The following KAT14 variants were observed in gnomAD, a reference collection of about 807,000 sequenced individuals.
The protein encoded by KAT14 is lysine acetyltransferase 14, also known as cysteine-rich protein 2-binding protein.
KAT14 carries 66 observed loss-of-function variants against 78.4 expected under a neutral mutation model. The ratio of observed to expected loss-of-function variants is 0.84; its 90% CI spans 0.69 to 1.03. The LOEUF is 1.03. KAT14 is among the 50% of genes least tolerant of loss of function. The pLI is 0.00. For synonymous variants in KAT14, 344 were observed against 359.4 expected (o/e 0.96, Z 0.48); for missense variants, 870 against 972.5 (o/e 0.89, Z 1.40).
chr20:18,181,583 A>G (rs1165908279), intron 7 of KAT14, 127 bp from the exon 8 acceptor site: 4 of 1,390,920 alleles, frequency 2.9e-6, no homozygotes, highest in Non-Finnish European at 3.9e-6. Context: ...GTTAGCCAGG[A>G]TGATCTCGAT....
chr20:18,176,496 C>G (rs79520676), intron 7 of KAT14, among the ~76,000 whole-genome samples: 1 of 151,972 alleles, frequency 6.6e-6, no homozygotes, highest in Non-Finnish European at 1.5e-5. Context: ...GCAGAGTGAA[C>G]GTGGGGAGGA....
intron 7 of KAT14, among the ~76,000 whole-genome samples, chr20:18,169,784 G>C (rs2038783251): frequency 6.6e-6 from 1 of 152,262 alleles, no homozygotes; most frequent in Non-Finnish European, 1.5e-5. Context: ...TAGGCTGAAA[G>C]CGAGGCCTCT....
At chr20:18,172,045 A>G (rs1173868709) in intron 7 of KAT14, among the ~76,000 whole-genome samples, 1 of 152,058 alleles carries the variant, frequency 6.6e-6, no homozygotes, top group African/African-American at 2.4e-5. Flanking sequence ...AAATTAAGTC[A>G]CACATTTTTT....
At chr20:18,166,845 G>A (rs983052444) in intron 7 of KAT14, among the ~76,000 whole-genome samples, 1 of 152,246 alleles carries the variant, frequency 6.6e-6, no homozygotes, top group Non-Finnish European at 1.5e-5. Context: ...ATTAAGTGAG[G>A]TTGAACCTGG....
intron 3 of KAT14, among the ~76,000 whole-genome samples, chr20:18,148,374 G>A (rs1161437122): frequency 1.3e-5 from 2 of 152,158 alleles, no homozygotes; most frequent in Admixed American, 6.5e-5. Context: ...TCAAACATTT[G>A]GGAAGGATAG....
At chr20:18,156,362 T>G (rs2038227106) in intron 4 of KAT14, among the ~76,000 whole-genome samples, 1 of 152,200 alleles carries the variant, frequency 6.6e-6, no homozygotes, top group African/African-American at 2.4e-5. Context: ...TGAACTATAC[T>G]GTTAAAAATT....
At chr20:18,176,214 T>A (rs774283969) in intron 7 of KAT14, among the ~76,000 whole-genome samples, 46 of 149,638 alleles carry the variant, frequency 3.1e-4, no homozygotes, top group Admixed American at 6.7e-4. Flanking sequence ...GGCAGGAGAA[T>A]CGCTTGAATC....
At chr20:18,180,797 C>CTAT (rs10648033) in intron 7 of KAT14, among the ~76,000 whole-genome samples, 82,961 of 151,540 alleles carry the variant, frequency 0.55, 23,112 homozygotes, top group Middle Eastern at 0.66. Flanking sequence ...TTATTCACTA[C>CTAT]GAGAACAGTA....
chr20:18,184,443 A>G (rs2039379782), intron 9 of KAT14, among the ~76,000 whole-genome samples, 159 bp from the exon 10 acceptor site: 1 of 143,210 alleles, frequency 7.0e-6, no homozygotes, highest in Non-Finnish European at 1.5e-5. Context: ...TCTTATTTTT[A>G]TGATCTGGTT....
At chr20:18,167,122 T>C (rs1452534755) in intron 7 of KAT14, among the ~76,000 whole-genome samples, 2 of 151,980 alleles carry the variant, frequency 1.3e-5, no homozygotes, top group Non-Finnish European at 2.9e-5. Flanking sequence ...CAACAGGGAG[T>C]GGAAGGATCT....
rs1330054466 is a variant in KAT14, at chr20:18,187,593, T to C, written c.*134T>C. ...TGGTCCTTCAAACTCCCAACCAAAG[T>C]GAGAAAAGCGGCATGCAGTGAAATG... On this transcript the variant is annotated 3_prime_UTR_variant, in exon 11 of 11. Transcript: ENST00000688188. The C allele has an allele frequency of 1.4e-6, 2 of 1,436,214 alleles. No individual in the cohort carries two copies. Among genetic ancestry groups the C allele is most frequent in the Non-Finnish European group, 1.9e-6 (2 of 1,078,184 alleles). 89.0% of individuals were successfully genotyped at this position (1,436,214 alleles called of 1,614,324 possible). A position where few individuals can be genotyped will look rare whatever the true frequency, so the allele number is the denominator to read the frequency against.
In KAT14 at chr20:18,162,197, G is replaced by A; in HGVS notation, c.1057G>A (p.Asp353Asn). ...CACACCTAGCTTGCTTTCAGAAGCA[G>A]ATCTGATTCCAGATGTGATGCCCCC... ...SATPSLLSEA[D>N]LIPDVMPPQA... Residue 353 changes from aspartate to asparagine, a missense_variant, in exon 6 of 11, where the codon GAT becomes AAT. Transcript: ENST00000688188. 4 of 1,614,142 alleles carry A rather than the reference G, an allele frequency of 2.5e-6. No individual in the cohort carries two copies. The highest frequency in any genetic ancestry group is 3.4e-6 in the Non-Finnish European group (4 of 1,180,048).
At chr20:18,182,276 C>G (rs1031402427) in intron 8 of KAT14, among the ~76,000 whole-genome samples, 1 of 152,064 alleles carries the variant, frequency 6.6e-6, no homozygotes, top group African/African-American at 2.4e-5. Context: ...CATGCACCAC[C>G]AAGCCCAGCT....
intron 7 of KAT14, 64 bp from the exon 8 acceptor site, chr20:18,181,646 G>A (rs560666216): frequency 3.2e-5 from 51 of 1,603,428 alleles, no homozygotes; most frequent in Non-Finnish European, 3.7e-5. Flanking sequence ...TGGGATTACC[G>A]GCATGAGCCA....
chr20:18,146,162 TA>T (rs1727942688), intron 3 of KAT14, among the ~76,000 whole-genome samples: 1 of 152,250 alleles, frequency 6.6e-6, no homozygotes, highest in South Asian at 2.1e-4. Context: ...CAGGTTGTAT[TA>T]AATTGTTTTA....
At chr20:18,179,995 A>G (rs1276847930) in intron 7 of KAT14, among the ~76,000 whole-genome samples, 1 of 152,048 alleles carries the variant, frequency 6.6e-6, no homozygotes, top group Non-Finnish European at 1.5e-5. Context: ...CAGCCTCCCA[A>G]GTAGCTGGGA....
chr20:18,165,587 T>C (rs1001540795), intron 7 of KAT14, among the ~76,000 whole-genome samples: 25 of 152,170 alleles, frequency 1.6e-4, no homozygotes, highest in Non-Finnish European at 2.5e-4. Context: ...TCCTGTTGTT[T>C]TAAGCCACCC....
chr20:18,162,431 C>G lies in KAT14; in HGVS notation c.1154C>G (p.Pro385Arg). The change falls in exon 7 of 11, where the codon CCA becomes CGA. Residue 385 changes from proline to arginine, a missense_variant. Pro to Arg is a moderately radical substitution (Grantham distance 103). Transcript: ENST00000688188. ...ATAGACCCAGGGATGGAGTACGTCC[C>G]ACCCCCTGCTGGGTCAGTAGCTTCT... ...GVIDPGMEYV[P>R]PPAGSVASGP... 1 of 1,614,052 alleles carries G rather than the reference C, an allele frequency of 6.2e-7. No individual in the cohort carries two copies. The highest frequency in any genetic ancestry group is 8.5e-7 in the Non-Finnish European group (1 of 1,180,002).
chr20:18,139,493 C>G (rs1322093188), intron 1 of KAT14, among the ~76,000 whole-genome samples: 1 of 152,072 alleles, frequency 6.6e-6, no homozygotes, highest in Non-Finnish European at 1.5e-5. Flanking sequence ...ACCATTTAAA[C>G]CAGAATCTCC....
Sources: gnomAD v4.1 joint callset for allele counts (sites outside exome capture counted in the v4.1 genomes callset) on GRCh38, gnomAD v4.1.1 for gene constraint, MANE v1.5 for transcripts, NCBI Gene and HGNC (gene_info 2026-07-23, HGNC 2026-07-21) for gene names.